The following RIT2 variants were observed in gnomAD, a reference collection of about 807,000 sequenced individuals.
RIT2 encodes GTP-binding protein Rit2.
Under a neutral mutation model 23.7 loss-of-function variants are expected in RIT2, and 24 were observed. That is an observed-to-expected ratio of 1.01 (90% confidence interval 0.73 to 1.43). The LOEUF (loss-of-function observed/expected upper bound fraction) is 1.43. Among genes scored for constraint, RIT2 ranks in the 40% most tolerant of loss-of-function variants. The probability of loss-of-function intolerance (pLI) is 0.00; values close to 1 mark genes in which losing one functional copy is unlikely to be tolerated. For missense variants in RIT2, 236 were observed against 266.9 expected (o/e 0.88, Z 0.81); for synonymous variants, 107 against 91.1 (o/e 1.17, Z -0.99).
At chr18:42,792,346 A>G (rs11875316) in intron 4 of RIT2, among the ~76,000 whole-genome samples, 49,437 of 151,962 alleles carry the variant, frequency 0.33, 10,754 homozygotes, top group African/African-American at 0.61. Context: ...AGCTTAGTAC[A>G]CGGGGGAAAT....
chr18:42,788,503 T>A (rs1913970985), intron 4 of RIT2, among the ~76,000 whole-genome samples: 1 of 152,216 alleles, frequency 6.6e-6, no homozygotes, highest in African/African-American at 2.4e-5. Flanking sequence ...TGAATTGTTT[T>A]GAAATATCCT....
intron 1 of RIT2, among the ~76,000 whole-genome samples, chr18:43,069,092 C>T (rs1313873383): frequency 1.3e-5 from 2 of 152,102 alleles, no homozygotes; most frequent in Non-Finnish European, 1.5e-5. Context: ...CAGAAGCATT[C>T]TTTATTTTGC....
At chr18:43,102,382 T>A (rs1219952590) in intron 1 of RIT2, among the ~76,000 whole-genome samples, 1 of 151,688 alleles carries the variant, frequency 6.6e-6, no homozygotes, top group East Asian at 1.9e-4. Context: ...TTTGCTGAGA[T>A]CTTCTTATAA....
At chr18:43,098,930 G>T (rs544591741) in intron 1 of RIT2, among the ~76,000 whole-genome samples, 4 of 152,098 alleles carry the variant, frequency 2.6e-5, no homozygotes, top group Middle Eastern at 3.4e-3. Flanking sequence ...GTCAATATTT[G>T]GGATGACATA....
intron 2 of RIT2, among the ~76,000 whole-genome samples, chr18:42,979,070 C>T (rs970839948): frequency 6.6e-6 from 1 of 152,038 alleles, no homozygotes; most frequent in African/African-American, 2.4e-5. Context: ...TATATTTACC[C>T]ATGTGGAAAT....
intron 4 of RIT2, among the ~76,000 whole-genome samples, chr18:42,868,450 A>G (rs1907531113): frequency 6.6e-6 from 1 of 152,214 alleles, no homozygotes; most frequent in Non-Finnish European, 1.5e-5. Flanking sequence ...TGGCTTATCA[A>G]TGTTACATAA....
chr18:42,940,018 C>T (rs769036023), intron 3 of RIT2, among the ~76,000 whole-genome samples: 16 of 151,766 alleles, frequency 1.1e-4, no homozygotes, highest in Non-Finnish European at 2.1e-4. Flanking sequence ...TAGATTAACA[C>T]TCTGAAAAGA....
At chr18:42,889,624 T>C (rs896148935) in intron 4 of RIT2, among the ~76,000 whole-genome samples, 3 of 152,066 alleles carry the variant, frequency 2.0e-5, no homozygotes, top group Middle Eastern at 3.2e-3. Flanking sequence ...TTGTAATGGA[T>C]TAGTGATAGC....
At chr18:43,069,776 T>G (rs1434361876) in intron 1 of RIT2, among the ~76,000 whole-genome samples, 1 of 152,180 alleles carries the variant, frequency 6.6e-6, no homozygotes, top group Admixed American at 6.6e-5. Context: ...TGTTTCTTTC[T>G]GGAGTATTCT....
chr18:42,886,753 C>T (rs1334324026), intron 4 of RIT2, among the ~76,000 whole-genome samples: 1 of 152,058 alleles, frequency 6.6e-6, no homozygotes, highest in Non-Finnish European at 1.5e-5. Context: ...AGAAGGGCAA[C>T]ATGAAAATTA....
chr18:42,976,869 T>C (rs1910488645), intron 2 of RIT2, among the ~76,000 whole-genome samples: 1 of 151,986 alleles, frequency 6.6e-6, no homozygotes, highest in South Asian at 2.1e-4. Flanking sequence ...TATAAGATAA[T>C]GGCATTAGGG....
At chr18:43,068,042 A>G (rs1007689257) in intron 1 of RIT2, among the ~76,000 whole-genome samples, 7 of 152,242 alleles carry the variant, frequency 4.6e-5, no homozygotes, top group Non-Finnish European at 1.0e-4. Flanking sequence ...AATGGGAGAC[A>G]CAATACAAAC....
At chr18:42,904,637 A>T (rs1482602981) in intron 4 of RIT2, among the ~76,000 whole-genome samples, 1 of 152,192 alleles carries the variant, frequency 6.6e-6, no homozygotes, top group African/African-American at 2.4e-5. Context: ...ACAAAATACA[A>T]CTCACGAAAG....
At chr18:42,897,128 T>G (rs537935148) in intron 4 of RIT2, among the ~76,000 whole-genome samples, 1 of 152,330 alleles carries the variant, frequency 6.6e-6, no homozygotes, top group South Asian at 2.1e-4. Context: ...AAGAAAGCAA[T>G]GAAAGAATGT....
At chr18:42,976,067 A>G (rs1436516812) in intron 2 of RIT2, among the ~76,000 whole-genome samples, 1 of 151,914 alleles carries the variant, frequency 6.6e-6, no homozygotes, top group Non-Finnish European at 1.5e-5. Flanking sequence ...TTTAATTTCC[A>G]CATGTTGTAA....
At chr18:43,091,522 A>T (rs1005055374) in intron 1 of RIT2, among the ~76,000 whole-genome samples, 1 of 152,044 alleles carries the variant, frequency 6.6e-6, no homozygotes, top group African/African-American at 2.4e-5. Flanking sequence ...TGCTTCTGAT[A>T]AATATGGCCA....
intron 4 of RIT2, among the ~76,000 whole-genome samples, chr18:42,818,392 A>C (rs1255770712): frequency 6.6e-6 from 1 of 152,078 alleles, no homozygotes; most frequent in Non-Finnish European, 1.5e-5. Context: ...TCTTCTGAGA[A>C]ATTGAAAGAT....
At chr18:43,016,481 T>C (rs1225179607) in intron 2 of RIT2, among the ~76,000 whole-genome samples, 1 of 151,888 alleles carries the variant, frequency 6.6e-6, no homozygotes, top group East Asian at 1.9e-4. Flanking sequence ...GCTTTTCTGA[T>C]ATTTAATTCA....
At position 43,115,630 on chromosome 18, in the gene RIT2, G is replaced by A; in HGVS notation, c.-111C>T. 7.0e-7 allele frequency: 1 copy of A among 1,426,370 alleles called. No individual in the cohort carries two copies. The highest frequency in any genetic ancestry group is 9.2e-7 in the Non-Finnish European group (1 of 1,088,702). The allele number at this position is 1,426,370 out of a possible 1,614,324, so 88.4% of individuals were successfully genotyped here. ...TGTCAAAGCAAAGGTTTTAGTACGA[G>A]GTAAGAACCATCAGCGTCGGGCTGG... On this transcript the variant is annotated 5_prime_UTR_variant, in exon 1 of 5. Transcript: ENST00000326695.
Sources: gnomAD v4.1 joint callset for allele counts (sites outside exome capture counted in the v4.1 genomes callset) on GRCh38, gnomAD v4.1.1 for gene constraint, MANE v1.5 for transcripts, NCBI Gene and HGNC (gene_info 2026-07-23, HGNC 2026-07-21) for gene names.